Variants in EXOC6B observed in about 807,000 individuals in gnomAD.
EXOC6B encodes the protein exocyst complex component 6B, also known as SEC15 homolog B.
Under a neutral mutation model 113.5 loss-of-function variants are expected in EXOC6B, and 54 were observed. The ratio of observed to expected loss-of-function variants is 0.48; its 90% CI spans 0.38 to 0.60. EXOC6B has a LOEUF of 0.60. EXOC6B is among the 20% of genes least tolerant of loss of function. The probability of loss-of-function intolerance (pLI) is 0.00; values close to 1 mark genes in which losing one functional copy is unlikely to be tolerated. For synonymous variants in EXOC6B, 357 were observed against 339.0 expected (o/e 1.05, Z -0.58); for missense variants, 797 against 977.5 (o/e 0.82, Z 2.46).
At chr2:72,282,421 A>G (rs1454413847) in intron 20 of EXOC6B, among the ~76,000 whole-genome samples, 1 of 152,068 alleles carries the variant, frequency 6.6e-6, no homozygotes, top group Non-Finnish European at 1.5e-5. Flanking sequence ...AAAAGACAGT[A>G]TAATTAACAG....
chr2:72,369,017 C>T (rs985837673), intron 19 of EXOC6B, among the ~76,000 whole-genome samples: 1 of 152,258 alleles, frequency 6.6e-6, no homozygotes, highest in East Asian at 1.9e-4. Flanking sequence ...CTGGCCAGGG[C>T]AGTTAGGCAG....
At chr2:72,731,752 C>T (rs1228960137) in intron 3 of EXOC6B, among the ~76,000 whole-genome samples, 1 of 152,186 alleles carries the variant, frequency 6.6e-6, no homozygotes, top group Non-Finnish European at 1.5e-5. Context: ...CAGCATTCAT[C>T]CTATACCCAT....
At chr2:72,555,213 C>T (rs1703470589) in intron 8 of EXOC6B, among the ~76,000 whole-genome samples, 1 of 152,166 alleles carries the variant, frequency 6.6e-6, no homozygotes, top group African/African-American at 2.4e-5. Context: ...CCACAATAAA[C>T]ATACTTGTGC....
intron 6 of EXOC6B, among the ~76,000 whole-genome samples, chr2:72,648,802 G>GA (rs1337274270): frequency 4.0e-5 from 1 of 24,846 alleles, no homozygotes; most frequent in African/African-American, 1.8e-4. Context: ...ACCAGGCACA[G>GA]AAAGAAAAAT....
intron 19 of EXOC6B, among the ~76,000 whole-genome samples, chr2:72,379,144 CTAAT>C (rs1346079261): frequency 6.6e-6 from 1 of 152,114 alleles, no homozygotes; most frequent in African/African-American, 2.4e-5. Flanking sequence ...AGTTCACACT[CTAAT>C]TATACCAAAG....
At position 72,493,691 on chromosome 2, in the gene EXOC6B, T is replaced by G. The variant is rs137965117; in HGVS notation, c.1554-1262A>C. On this transcript the variant is annotated intron_variant, in intron 15 of 21. Transcript: ENST00000272427. ...AGAGTATTTTACCATAGAAATGCCA[T>G]GTGTTTGCTATTTTAAAAAAATCTT... Among the ~76,000 whole-genome samples the G allele has an allele frequency of 1.1e-3, 175 of 152,198 alleles. 3 individuals carry two copies. The highest frequency in any genetic ancestry group is 3.7e-3 in the African/African-American group (154 of 41,520).
chr2:72,334,189 G>C (rs373222166), intron 20 of EXOC6B, among the ~76,000 whole-genome samples: 20 of 152,062 alleles, frequency 1.3e-4, no homozygotes, highest in Middle Eastern at 6.8e-3. Context: ...ACAGAGCCCA[G>C]TTAACTCTCT....
chr2:72,604,861 TAAAC>T (rs1475306695), intron 6 of EXOC6B, among the ~76,000 whole-genome samples: 3 of 152,204 alleles, frequency 2.0e-5, no homozygotes, highest in South Asian at 2.1e-4. Flanking sequence ...TACTGACAAT[TAAAC>T]AACATTTAAA....
chr2:72,582,446 G>A (rs1212190817), intron 6 of EXOC6B, among the ~76,000 whole-genome samples: 1 of 152,102 alleles, frequency 6.6e-6, no homozygotes, highest in Non-Finnish European at 1.5e-5. Context: ...AATTTCAGGA[G>A]GCGGAGGTTG....
At chr2:72,387,579 T>G (rs999299014) in intron 18 of EXOC6B, among the ~76,000 whole-genome samples, 1 of 152,126 alleles carries the variant, frequency 6.6e-6, no homozygotes, top group Non-Finnish European at 1.5e-5. Flanking sequence ...AAATGTATAA[T>G]TTGTGTAATT....
At chr2:72,186,912 C>A (rs1182624553) in intron 20 of EXOC6B, among the ~76,000 whole-genome samples, 1 of 152,152 alleles carries the variant, frequency 6.6e-6, no homozygotes, top group African/African-American at 2.4e-5. Context: ...GGCACCTTTG[C>A]CTGAGTTTTG....
intron 6 of EXOC6B, among the ~76,000 whole-genome samples, chr2:72,634,030 T>TG (rs111341683): frequency 6.7e-6 from 1 of 149,778 alleles, no homozygotes; most frequent in East Asian, 2.0e-4. Flanking sequence ...ACGATCCAGA[T>TG]GGGAAAAAAA....
chr2:72,264,075 A>T (rs990968681), intron 20 of EXOC6B, among the ~76,000 whole-genome samples: 165 of 152,328 alleles, frequency 1.1e-3, no homozygotes, highest in Non-Finnish European at 1.9e-3. Flanking sequence ...AGTGTATAAA[A>T]AAGGATAATG....
At chr2:72,754,908 A>G (rs1682311258) in intron 1 of EXOC6B, among the ~76,000 whole-genome samples, 1 of 152,110 alleles carries the variant, frequency 6.6e-6, no homozygotes, top group African/African-American at 2.4e-5. Flanking sequence ...TGTGAGCCAC[A>G]GTGCCTGCTC....
intron 16 of EXOC6B, among the ~76,000 whole-genome samples, chr2:72,484,561 C>T (rs868445104): frequency 9.8e-5 from 13 of 132,348 alleles, no homozygotes; most frequent in African/African-American, 3.7e-4. Context: ...AGCGAGACTC[C>T]GTCACAAAAA....
chr2:72,368,313 G>A (rs1423262800), intron 19 of EXOC6B, among the ~76,000 whole-genome samples: 1 of 152,120 alleles, frequency 6.6e-6, no homozygotes, highest in Admixed American at 6.5e-5. Context: ...GACTAAACCA[G>A]GAAGAAGTTG....
At chr2:72,408,521 T>G (rs1693943936) in intron 18 of EXOC6B, among the ~76,000 whole-genome samples, 1 of 152,002 alleles carries the variant, frequency 6.6e-6, no homozygotes, top group Admixed American at 6.6e-5. Flanking sequence ...AACAGAGATA[T>G]AGACCAATGG....
chr2:72,255,102 G>A (rs1271212843), intron 20 of EXOC6B, among the ~76,000 whole-genome samples: 2 of 152,180 alleles, frequency 1.3e-5, no homozygotes, highest in Non-Finnish European at 1.5e-5. Context: ...GACTTGGCAT[G>A]TGTCTCATTG....
intron 20 of EXOC6B, among the ~76,000 whole-genome samples, chr2:72,313,422 A>G (rs1687329397): frequency 6.6e-6 from 1 of 152,210 alleles, no homozygotes; most frequent in African/African-American, 2.4e-5. Flanking sequence ...AATATAGGGG[A>G]TGATTTATGA....
Sources: allele counts gnomAD v4.1 joint callset (sites outside exome capture counted in the v4.1 genomes callset), GRCh38; gene constraint gnomAD v4.1.1; transcripts MANE v1.5; gene names NCBI Gene and HGNC (gene_info 2026-07-23, HGNC 2026-07-21).